VWA3B: variants seen among roughly 807,000 people sequenced by gnomAD.
VWA3B encodes von Willebrand factor A domain-containing protein 3B.
In VWA3B, 138 loss-of-function variants were observed where a neutral mutation model predicts 158.3. The ratio of observed to expected loss-of-function variants is 0.87; its 90% CI spans 0.76 to 1.00. The LOEUF (loss-of-function observed/expected upper bound fraction) is 1.00. Ranked by LOEUF, VWA3B falls within the 50% of genes least tolerant of loss-of-function variation. VWA3B has a pLI of 0.00. For missense variants in VWA3B, 1,555 were observed against 1,565.1 expected, an observed-to-expected ratio of 0.99 and a Z score of 0.11; for synonymous variants, 596 against 587.3, an observed-to-expected ratio of 1.01 and a Z score of -0.21.
chr2:98,167,236 C>T (rs1377251099), intron 8 of VWA3B, among the ~76,000 whole-genome samples: 1 of 152,252 alleles, frequency 6.6e-6, no homozygotes, highest in East Asian at 1.9e-4. Flanking sequence ...ACCAGGAGGG[C>T]AGTTTCTGGG....
At chr2:98,306,806 G>C (rs981229694) in intron 26 of VWA3B, among the ~76,000 whole-genome samples, 1 of 152,130 alleles carries the variant, frequency 6.6e-6, no homozygotes, top group Admixed American at 6.5e-5. Context: ...CCTTGCTTCT[G>C]GGCTTCACAT....
chr2:98,239,952 A>G (rs1233495371), intron 19 of VWA3B, among the ~76,000 whole-genome samples: 1 of 152,054 alleles, frequency 6.6e-6, no homozygotes, highest in East Asian at 1.9e-4. Flanking sequence ...ACCTGAAAGC[A>G]AATGACAAAA....
At chr2:98,224,280 G>C (rs1684742783) in intron 14 of VWA3B, among the ~76,000 whole-genome samples, 1 of 152,084 alleles carries the variant, frequency 6.6e-6, no homozygotes, top group Non-Finnish European at 1.5e-5. Flanking sequence ...AAAGAAGAAA[G>C]AGCAGAAATA....
At chr2:98,230,660 A>G (rs970967254) in intron 16 of VWA3B, among the ~76,000 whole-genome samples, 2 of 151,976 alleles carry the variant, frequency 1.3e-5, no homozygotes, top group Admixed American at 6.6e-5. Flanking sequence ...TTATAACCAC[A>G]CCCACCTCCC....
In VWA3B at chr2:98,119,777, G is replaced by A. The variant is rs747237382; in HGVS notation, c.542+14G>A. On this transcript the variant is annotated intron_variant, in intron 4 of 27. Transcript: ENST00000477737. ...CAATATCATACGGTGAGTTCCCATA[G>A]GAAGGGAGTATTTTAGTGAAAGTTC... The A allele has an allele frequency of 3.7e-6, 6 of 1,610,854 alleles. No homozygotes were observed. In the Admixed American group the frequency reaches 1.0e-4, roughly 27 times the overall value.
chr2:98,260,642 C>T (rs1203669952), intron 21 of VWA3B, among the ~76,000 whole-genome samples: 2 of 151,614 alleles, frequency 1.3e-5, no homozygotes, highest in Non-Finnish European at 3.0e-5. Flanking sequence ...CCCATGGATA[C>T]CAAGGCATAA....
intron 19 of VWA3B, among the ~76,000 whole-genome samples, chr2:98,241,673 C>T (rs76868564): frequency 0.028 from 4,319 of 152,034 alleles, 205 homozygotes; most frequent in African/African-American, 0.093. Context: ...GCATCCTAGT[C>T]GTCTGCCTCT....
intron 21 of VWA3B, among the ~76,000 whole-genome samples, chr2:98,260,792 T>C (rs1341606227): frequency 6.6e-6 from 1 of 151,832 alleles, no homozygotes; most frequent in Non-Finnish European, 1.5e-5. Flanking sequence ...ATGTTACCTT[T>C]TGTCTCTTGT....
chr2:98,165,104 C>T (rs1458469831), intron 8 of VWA3B, among the ~76,000 whole-genome samples: 2 of 152,238 alleles, frequency 1.3e-5, no homozygotes, highest in Admixed American at 6.5e-5. Context: ...AGTTGGTACA[C>T]GGATTCTCCT....
At chr2:98,296,250 C>A (rs1327881788) in intron 23 of VWA3B, among the ~76,000 whole-genome samples, 1 of 152,230 alleles carries the variant, frequency 6.6e-6, no homozygotes, top group East Asian at 1.9e-4. Flanking sequence ...AGCTCAGACC[C>A]TTCCCTGGGG....
At chr2:98,304,008 C>T (rs1690360453) in intron 26 of VWA3B, among the ~76,000 whole-genome samples, 1 of 152,340 alleles carries the variant, frequency 6.6e-6, no homozygotes, top group East Asian at 1.9e-4. Flanking sequence ...TGGTTCTAAT[C>T]TCAAATTCTA....
chr2:98,229,029 T>C (rs1423103566), intron 15 of VWA3B: 1 of 152,178 alleles, frequency 6.6e-6, no homozygotes, highest in Non-Finnish European at 1.5e-5. Flanking sequence ...TTCAACAAAA[T>C]GCACTGTCTT....
chr2:98,128,149 G>C, intron 5 of VWA3B, 90 bp from the exon 6 acceptor site: 1 of 1,469,884 alleles, frequency 6.8e-7, no homozygotes, highest in Non-Finnish European at 9.3e-7. Context: ...TTTTCTAAGA[G>C]ATCGTTTTGT....
Position 98,093,184 on chromosome 2 carries a change from A to C in VWA3B, c.92A>C (p.Gln31Pro). 1 of 1,614,160 alleles carries C rather than the reference A, an allele frequency of 6.2e-7. No individual in the cohort carries two copies. The highest frequency in any genetic ancestry group is 8.5e-7 in the Non-Finnish European group (1 of 1,180,008). ...AACACCAAAACAGACTTGGCTGAGC[A>C]GAGTCTCATTTCATCTGAGAAATGG... is the stretch of plus-strand genomic sequence containing the variant. ...WINTKTDLAE[Q>P]SLISSEKWLQ... The change falls in exon 2 of 28, where the codon CAG (glutamine) becomes CCG (proline). Residue 31 changes from glutamine (Q) to proline (P), a missense_variant. Gln to Pro is a moderately conservative substitution (Grantham distance 76, BLOSUM62 -1). Transcript: ENST00000477737.
At chr2:98,306,741 T>C (rs1251896389) in intron 26 of VWA3B, among the ~76,000 whole-genome samples, 2 of 152,216 alleles carry the variant, frequency 1.3e-5, no homozygotes, top group Admixed American at 6.5e-5. Context: ...AGAAAAGCCT[T>C]TGTTTTCCAT....
intron 2 of VWA3B, among the ~76,000 whole-genome samples, chr2:98,104,784 T>A (rs1683320784): frequency 6.6e-6 from 1 of 152,368 alleles, no homozygotes; most frequent in South Asian, 2.1e-4. Context: ...GTGTTTCATT[T>A]GATGAAATCT....
chr2:98,234,701 G>C lies in VWA3B; in HGVS notation c.2362G>C (p.Ala788Pro), dbSNP rs577011715. 1 of 1,614,036 alleles carries C rather than the reference G, an allele frequency of 6.2e-7. No individual in the cohort carries two copies. Among genetic ancestry groups the C allele is most frequent in the African/African-American group, 1.3e-5 (1 of 74,918 alleles). The change falls in exon 17 of 28, where the codon GCT becomes CCT. Residue 788 changes from alanine (A) to proline (P), a missense_variant. By Grantham distance (27) the Ala-to-Pro change is conservative. Transcript: ENST00000477737. ...CCAGATGTCCTCCCTCAGGAGCTCA[G>C]CTTGCAGTGAAAGGAAGGATGGCCT... ...RSQMSSLRSS[A>P]CSERKDGLSN...
At chr2:98,307,472 G>A (rs1209784528) in intron 26 of VWA3B, among the ~76,000 whole-genome samples, 1 of 152,240 alleles carries the variant, frequency 6.6e-6, no homozygotes, top group Non-Finnish European at 1.5e-5. Flanking sequence ...TTCAAATAAG[G>A]AAGAGGAACA....
chr2:98,127,947 A>G (rs1675512028), intron 5 of VWA3B, among the ~76,000 whole-genome samples: 1 of 152,140 alleles, frequency 6.6e-6, no homozygotes, highest in Non-Finnish European at 1.5e-5. Flanking sequence ...AACCACTCCG[A>G]ACCTGTGCGA....
Sources: gnomAD v4.1 joint callset for allele counts (sites outside exome capture counted in the v4.1 genomes callset) on GRCh38, gnomAD v4.1.1 for gene constraint, MANE v1.5 for transcripts, NCBI Gene and HGNC (gene_info 2026-07-23, HGNC 2026-07-21) for gene names.